Variants in CRPPA observed in about 807,000 individuals in gnomAD.
The protein encoded by CRPPA is D-ribitol-5-phosphate cytidylyltransferase.
CRPPA carries 43 observed loss-of-function variants against 52.0 expected under a neutral mutation model. The ratio of observed to expected loss-of-function variants is 0.83; its 90% confidence interval spans 0.65 to 1.07. The LOEUF (loss-of-function observed/expected upper bound fraction) is 1.07. CRPPA is among the 50% of genes least tolerant of loss of function. The pLI, the probability that CRPPA is intolerant of heterozygous loss-of-function variation, is 0.00. For synonymous variants in CRPPA, 250 were observed against 203.5 expected (o/e 1.23, Z -1.94); for missense variants, 629 against 551.7 (o/e 1.14, Z -1.40).
At position 16,421,366 on chromosome 7, in the gene CRPPA, C is replaced by G. The variant is rs1450910590; in HGVS notation, c.-44G>C. 3.3e-6 allele frequency: 4 copies of G among 1,221,280 alleles called. No individual in the cohort carries two copies. The highest frequency in any genetic ancestry group is 4.1e-6 in the Non-Finnish European group (4 of 980,746). The allele number at this position is 1,221,280 out of a possible 1,614,324, so 75.7% of individuals were successfully genotyped here. On this transcript the variant is annotated 5_prime_UTR_variant, in exon 1 of 10. Transcript: ENST00000407010. The stretch of plus-strand genomic sequence containing the variant: ...GAGCCCCGCTAGCCTCGGGCCGATG[C>G]GACCCCGCGCTGCTCCCACCCTCGG...
intron 9 of CRPPA, among the ~76,000 whole-genome samples, chr7:16,206,786 T>C (rs1333184497): frequency 6.6e-6 from 1 of 152,164 alleles, no homozygotes; most frequent in Non-Finnish European, 1.5e-5. Context: ...ATCTGTGTTT[T>C]TCCTGTCCAT....
rs1392006070 is a variant in CRPPA at position 16,122,729 on chromosome 7, T to C, written c.1252-30930A>G. Among the ~76,000 whole-genome samples, 3 of 152,244 alleles carry C rather than the reference T, an allele frequency of 2.0e-5. No homozygotes were observed. In the East Asian group the frequency reaches 5.8e-4, roughly 29 times the overall value. On this transcript the variant is annotated intron_variant, in intron 9 of 9. Transcript: ENST00000407010. Reference sequence around the variant, plus strand: ...TAGCTTACACTGACATTATTTATGCTATTATACTCCTTTTTAAAACAATGG... The same window carrying C: ...TAGCTTACACTGACATTATTTATGCCATTATACTCCTTTTTAAAACAATGG...
chr7:16,221,765 A>G (rs1782514989), intron 8 of CRPPA, among the ~76,000 whole-genome samples: 1 of 151,846 alleles, frequency 6.6e-6, no homozygotes, highest in Non-Finnish European at 1.5e-5. Flanking sequence ...CACACCAGTT[A>G]GAATGGCGAT....
chr7:16,320,374 G>GA, intron 3 of CRPPA, among the ~76,000 whole-genome samples: 1 of 151,986 alleles, frequency 6.6e-6, no homozygotes, highest in Non-Finnish European at 1.5e-5. Flanking sequence ...GAAAACTTCT[G>GA]AAAAAATAAT....
chr7:16,387,044 GATATATATATATAT>G lies in CRPPA; in HGVS notation c.535-10817_535-10804del, dbSNP rs57024916. ...TATTTTTAATTTAAAATAAAAAAAAGATATATATATATATATATATATATATATATATATATATA... is the reference window on the plus strand; with the variant it reads ...TATTTTTAATTTAAAATAAAAAAAAGATATATATATATATATATATATATA... On this transcript the variant is annotated intron_variant, in intron 2 of 9. Transcript: ENST00000407010. Among the ~76,000 whole-genome samples the G allele has an allele frequency of 5.8e-3, 558 of 96,016 alleles. 10 individuals carry two copies. The highest frequency in any genetic ancestry group is 7.5e-3 in the Non-Finnish European group (390 of 51,938). The allele number at this position is 96,016 out of a possible 152,430, so 63.0% of individuals were successfully genotyped here. A position where few individuals can be genotyped will look rare whatever the true frequency, so the allele number is the denominator to read the frequency against.
intron 8 of CRPPA, among the ~76,000 whole-genome samples, chr7:16,221,918 C>T (rs1033913973): frequency 6.6e-6 from 1 of 151,772 alleles, no homozygotes; most frequent in Non-Finnish European, 1.5e-5. Flanking sequence ...ACTAGAAATA[C>T]CATTTGACCC....
At chr7:16,373,951 A>G (rs1786814764) in intron 3 of CRPPA, among the ~76,000 whole-genome samples, 1 of 152,208 alleles carries the variant, frequency 6.6e-6, no homozygotes, top group Non-Finnish European at 1.5e-5. Flanking sequence ...ACCATGGATC[A>G]GCTTGCAGTG....
chr7:16,390,316 CACACAAGTATA>C (rs1174775484), intron 2 of CRPPA, among the ~76,000 whole-genome samples: 3 of 152,090 alleles, frequency 2.0e-5, no homozygotes, highest in Admixed American at 2.0e-4. Flanking sequence ...CAAGTTTCTT[CACACAAGTATA>C]AAGCCCAACT....
At chr7:16,169,166 T>C (rs1450490334) in intron 9 of CRPPA, among the ~76,000 whole-genome samples, 1 of 152,178 alleles carries the variant, frequency 6.6e-6, no homozygotes, top group Non-Finnish European at 1.5e-5. Context: ...CTCCAATACC[T>C]AGCTTATATC....
rs1231851487 is a variant in CRPPA at position 16,421,491 on chromosome 7, G to T, written c.-169C>A. Among the ~76,000 whole-genome samples the T allele has an allele frequency of 6.6e-6, 1 of 152,124 alleles. No individual in the cohort carries two copies. The highest frequency in any genetic ancestry group is 2.4e-5 in the African/African-American group (1 of 41,466). On this transcript the variant is annotated 5_prime_UTR_variant, in exon 1 of 10. Transcript: ENST00000407010. ...GTCGGAGCCCCGCTGTTGCTGCCCC[G>T]CAGGGGACGATCCCGACAGCTACGG...
chr7:16,339,083 G>A (rs993894616), intron 3 of CRPPA, among the ~76,000 whole-genome samples: 3 of 152,062 alleles, frequency 2.0e-5, no homozygotes, highest in Non-Finnish European at 4.4e-5. Context: ...GGGATTACAG[G>A]CGTGAGCCAC....
At chr7:16,207,177 T>C (rs1304901701) in intron 9 of CRPPA, among the ~76,000 whole-genome samples, 1 of 152,164 alleles carries the variant, frequency 6.6e-6, no homozygotes, top group Non-Finnish European at 1.5e-5. Context: ...ATTTTGCATA[T>C]GACCAAATTC....
intron 4 of CRPPA, among the ~76,000 whole-genome samples, chr7:16,306,980 T>C (rs1287992385): frequency 6.6e-6 from 1 of 152,186 alleles, no homozygotes; most frequent in African/African-American, 2.4e-5. Flanking sequence ...ACATTTTAAG[T>C]ATTTAAGATT....
chr7:16,120,593 T>G (rs1782462833), intron 9 of CRPPA, among the ~76,000 whole-genome samples: 1 of 152,130 alleles, frequency 6.6e-6, no homozygotes, highest in Admixed American at 6.5e-5. Flanking sequence ...AAATCTTTAT[T>G]TCCACCCACT....
intron 1 of CRPPA, among the ~76,000 whole-genome samples, chr7:16,420,562 T>A (rs1788303208): frequency 6.6e-6 from 1 of 152,208 alleles, no homozygotes. Context: ...TATTAAATTC[T>A]GCTCCTCTCC....
At chr7:16,104,982 A>G (rs1481872175) in intron 9 of CRPPA, among the ~76,000 whole-genome samples, 5 of 152,212 alleles carry the variant, frequency 3.3e-5, no homozygotes, top group Non-Finnish European at 5.9e-5. Flanking sequence ...TTATATACAT[A>G]GAAGACAGAC....
intron 3 of CRPPA, among the ~76,000 whole-genome samples, chr7:16,369,362 G>A (rs1786689595): frequency 6.6e-6 from 1 of 152,160 alleles, no homozygotes; most frequent in Non-Finnish European, 1.5e-5. Flanking sequence ...TACAATGTCT[G>A]GAATCTATGA....
At chr7:16,328,511 G>A (rs929922363) in intron 3 of CRPPA, among the ~76,000 whole-genome samples, 8 of 151,954 alleles carry the variant, frequency 5.3e-5, no homozygotes, top group Non-Finnish European at 1.0e-4. Flanking sequence ...TTTTTGGGGG[G>A]TTTGTTTTGT....
intron 9 of CRPPA, among the ~76,000 whole-genome samples, chr7:16,211,280 T>C (rs1313478520): frequency 1.3e-5 from 2 of 152,214 alleles, no homozygotes; most frequent in Non-Finnish European, 2.9e-5. Context: ...ACATATTTTA[T>C]GACCTTTGTA....
Sources: gnomAD v4.1 joint callset for allele counts (sites outside exome capture counted in the v4.1 genomes callset) on GRCh38, gnomAD v4.1.1 for gene constraint, MANE v1.5 for transcripts, NCBI Gene and HGNC (gene_info 2026-07-23, HGNC 2026-07-21) for gene names.